The following BSN variants were observed in gnomAD, a reference collection of about 807,000 sequenced individuals.
BSN encodes the protein protein bassoon.
BSN carries 57 observed loss-of-function variants against 264.8 expected under a neutral mutation model. The ratio of observed to expected loss-of-function variants is 0.22; its 90% confidence interval spans 0.17 to 0.27. The LOEUF is 0.27. Among genes scored for constraint, BSN ranks in the 10% least tolerant of loss-of-function variants. The pLI is 1.00. For missense variants in BSN, 4,615 were observed against 5,232.5 expected, an observed-to-expected ratio of 0.88 and a Z score of 3.64; for synonymous variants, 2,059 against 2,137.3, an observed-to-expected ratio of 0.96 and a Z score of 1.01.
rs1487656033 is a variant in BSN, at chr3:49,625,295, C to T, written c.545C>T (p.Pro182Leu). Residue 182 changes from proline to leucine, a missense_variant, in exon 2 of 12, where the codon CCC becomes CTC. Coordinates refer to ENST00000296452, the MANE Select transcript of BSN (RefSeq NM_003458.4). The surrounding 1 kb of genome is among the most constrained non-coding windows in gnomAD (Gnocchi z 4.4). The stretch of plus-strand genomic sequence containing the variant: ...AAGACTTCGGACCTCACGTCGACCC[C>T]CAGCCAGCCAAACTTCAACACCTGC... ...ICKTSDLTST[P>L]SQPNFNTCTQ... The T allele has an allele frequency of 6.2e-7, 1 of 1,601,782 alleles. No individual in the cohort carries two copies. Among genetic ancestry groups the T allele is most frequent in the Non-Finnish European group, 8.5e-7 (1 of 1,173,996 alleles).
intron 2 of BSN, among the ~76,000 whole-genome samples, chr3:49,632,736 G>A (rs2052391223): frequency 6.6e-6 from 1 of 152,170 alleles, no homozygotes; most frequent in South Asian, 2.1e-4. Context: ...CCCAGGAGGC[G>A]GAGGTTGCAG....
At chr3:49,608,822 C>T (rs1213635923) in intron 1 of BSN, among the ~76,000 whole-genome samples, 1 of 149,284 alleles carries the variant, frequency 6.7e-6, no homozygotes, top group East Asian at 2.0e-4. Context: ...AGCAAGACTC[C>T]GTCTCGGGAA....
intron 1 of BSN, among the ~76,000 whole-genome samples, chr3:49,606,197 CATATATTATATAT>C (rs2052142209): frequency 2.4e-5 from 1 of 40,836 alleles, no homozygotes; most frequent in African/African-American, 1.2e-4. Context: ...ATTATATATA[CATATATTATATAT>C]GTATATATTA....
rs1006249333 is a variant in BSN at position 49,638,512 on chromosome 3, C to G, written c.634-3756C>G. On this transcript the variant is annotated intron_variant, in intron 2 of 11. Transcript: ENST00000296452. This position sits in a 1 kb window ranked among gnomAD's most constrained non-coding sequence, Gnocchi z 4.3. ...CTCAGAGAGCTCCCTCAGCCAGTGTCCTCCTTAGGAGGCCTTGCATGCTGG... is the reference window on the plus strand; with the variant it reads ...CTCAGAGAGCTCCCTCAGCCAGTGTGCTCCTTAGGAGGCCTTGCATGCTGG... Among the ~76,000 whole-genome samples, 2 of 152,188 alleles carry G rather than the reference C, an allele frequency of 1.3e-5. No individual in the cohort carries two copies. Among genetic ancestry groups the G allele is most frequent in the Non-Finnish European group, 2.9e-5 (2 of 68,018 alleles).
At chr3:49,649,529 G>A in intron 3 of BSN, among the ~76,000 whole-genome samples, 1 of 152,200 alleles carries the variant, frequency 6.6e-6, no homozygotes, top group Admixed American at 6.5e-5. Context: ...TCTGGAGGAG[G>A]CTACTGGGAG....
chr3:49,558,159 C>G (rs2051688538), intron 1 of BSN, among the ~76,000 whole-genome samples: 1 of 152,110 alleles, frequency 6.6e-6, no homozygotes, highest in African/African-American at 2.4e-5. Context: ...CACAGCTAAG[C>G]TTTAGGAGAG....
rs1404211302 is a variant in BSN at position 49,651,852 on chromosome 3, A to G, written c.2296A>G (p.Ile766Val). ...GAAGCAGCGGCCCCACTCCTTGTCCATCACGCCTGAGGCCTTTGACTCTGA... is the reference window on the plus strand; with the variant it reads ...GAAGCAGCGGCCCCACTCCTTGTCCGTCACGCCTGAGGCCTTTGACTCTGA... ...EQKQRPHSLS[I>V]TPEAFDSDEE... Residue 766 changes from isoleucine (I) to valine (V), a missense_variant, in exon 5 of 12, where the codon ATC becomes GTC. Around this residue, in one of 3 missense-constraint regions of BSN, gnomAD observed 1,197 missense variants for 1,348.0 expected, o/e 0.89. Transcript: ENST00000296452. This position sits in a 1 kb window ranked among gnomAD's most constrained non-coding sequence, Gnocchi z 5.4. The G allele has an allele frequency of 3.1e-6, 5 of 1,613,822 alleles. No homozygotes were observed. In the African/African-American group the frequency reaches 5.3e-5, roughly 17 times the overall value.
Position 49,663,429 on chromosome 3 carries a change from G to A in BSN, c.11271G>A (p.Gln3757=), listed in dbSNP as rs1465182506. The change falls in exon 7 of 12, where the codon CAG becomes CAA. Residue 3757 remains glutamine, a synonymous_variant. Coordinates refer to ENST00000296452, the MANE Select transcript of BSN (RefSeq NM_003458.4). ...GTCGGCAGGCAGCTCCAGGACCACA[G>A]CAGTCACAGTCACCATCATCCAGGC... ...LQGRQAAPGP[Q]QSQSPSSRQI... 6.2e-7 allele frequency: 1 copy of A among 1,612,854 alleles called. No homozygotes were observed. Among genetic ancestry groups the A allele is most frequent in the Non-Finnish European group, 8.5e-7 (1 of 1,179,996 alleles).
At chr3:49,639,494 G>A (rs889427282) in intron 2 of BSN, among the ~76,000 whole-genome samples, 7 of 152,244 alleles carry the variant, frequency 4.6e-5, no homozygotes, top group South Asian at 2.1e-4. Context: ...CACGGTGCAC[G>A]GCCTGCCTTG....
chr3:49,672,772 C>A (rs1450481784), downstream of BSN, among the ~76,000 whole-genome samples: 2 of 149,176 alleles, frequency 1.3e-5, no homozygotes, highest in Non-Finnish European at 3.0e-5. Context: ...TGAGCCACCG[C>A]GCCTGGCACT....
At position 49,653,416 on chromosome 3, in the gene BSN, A is replaced by G; in HGVS notation, c.3860A>G (p.Glu1287Gly). The G allele has an allele frequency of 1.9e-6, 3 of 1,613,958 alleles. No individual in the cohort carries two copies. The highest frequency in any genetic ancestry group is 2.5e-6 in the Non-Finnish European group (3 of 1,179,990). ...GCTTTTGCTGAGGACAAAAAGAAGG[A>G]GAAGCAGTTTCTAAATGCTGAGAGT... ...DLAFAEDKKKEKQFLNAESAY... is the reference protein window; with the variant it reads ...DLAFAEDKKKGKQFLNAESAY... Residue 1287 changes from glutamate to glycine, a missense_variant, in exon 5 of 12, where the codon GAG becomes GGG. By Grantham distance (98) the Glu-to-Gly change is moderately conservative (BLOSUM62 -2). Transcript: ENST00000296452. This position sits in a 1 kb window ranked among gnomAD's most constrained non-coding sequence, Gnocchi z 6.3.
rs1209733483 is a variant in BSN at position 49,653,656 on chromosome 3, C to T, written c.4100C>T (p.Ser1367Phe). Reference sequence around the variant, plus strand: ...TCTCCTGCCTCCCCCAGCTCAGCCTCCAAGGAGATAGGCATGCCCTTTTCC... The same window carrying T: ...TCTCCTGCCTCCCCCAGCTCAGCCTTCAAGGAGATAGGCATGCCCTTTTCC... ...HSSPASPSSA[S>F]KEIGMPFSQG... Residue 1367 changes from serine (S) to phenylalanine (F), a missense_variant, in exon 5 of 12, where the codon TCC (serine) becomes TTC (phenylalanine). Ser to Phe is a radical substitution (Grantham distance 155). Transcript: ENST00000296452. The surrounding 1 kb of genome is among the most constrained non-coding windows in gnomAD (Gnocchi z 6.3). 12 of 1,613,770 alleles carry T rather than the reference C, an allele frequency of 7.4e-6. No individual in the cohort carries two copies. Among genetic ancestry groups the T allele is most frequent in the Admixed American group, 1.7e-5 (1 of 60,002 alleles).
At chr3:49,574,543 C>G (rs544285197) in intron 1 of BSN, among the ~76,000 whole-genome samples, 1 of 152,074 alleles carries the variant, frequency 6.6e-6, no homozygotes, top group African/African-American at 2.4e-5. Flanking sequence ...AAGCGAGTCT[C>G]CTGCCTCAGC....
At position 49,653,557 on chromosome 3, in the gene BSN, G is replaced by C. The variant is rs1400752718; in HGVS notation, c.4001G>C (p.Gly1334Ala). Residue 1334 changes from glycine (G) to alanine (A), a missense_variant, in exon 5 of 12, where the codon GGC (glycine) becomes GCC (alanine). Transcript: ENST00000296452. This position sits in a 1 kb window ranked among gnomAD's most constrained non-coding sequence, Gnocchi z 6.3. ...CCCACCTCCTCAGACAGCAGCGGGG[G>C]CCGAGTTATTCCCGATGTCCGTGTC... ...STPTSSDSSG[G>A]RVIPDVRVTQ... 4.2e-5 allele frequency: 68 copies of C among 1,613,862 alleles called. No homozygotes were observed. Among genetic ancestry groups the C allele is most frequent in the Non-Finnish European group, 5.7e-5 (67 of 1,179,982 alleles).
intron 1 of BSN, among the ~76,000 whole-genome samples, chr3:49,573,657 G>T (rs11721311): frequency 0.32 from 45,091 of 141,762 alleles, 7,392 homozygotes; most frequent in African/African-American, 0.34. Context: ...TTTCTCTCTG[G>T]TTTTTTTTTT....
At position 49,651,800 on chromosome 3, in the gene BSN, A is replaced by G. The variant is rs749282917; in HGVS notation, c.2244A>G (p.Pro748=). The G allele has an allele frequency of 5.0e-6, 8 of 1,613,372 alleles. No individual in the cohort carries two copies. In the South Asian group the frequency reaches 6.6e-5, roughly 13 times the overall value. ...TGGCCCCAAGTGAGCGGAGCAAGCC[A>G]CTCTCCAGCGGTACTGGCGAGGAGC... ...QGLAPSERSK[P]LSSGTGEEQK... The change falls in exon 5 of 12, where the codon CCA becomes CCG. Residue 748 remains proline (P), a synonymous_variant. Transcript: ENST00000296452. This position sits in a 1 kb window ranked among gnomAD's most constrained non-coding sequence, Gnocchi z 5.4.
In BSN at chr3:49,652,256, T is replaced by C. The variant is rs2108081469; in HGVS notation, c.2700T>C (p.Asn900=). ...TGCCCAAGAGGCGCCTGCCCCACAA[T>C]GCCACCACGGGCTATGAGGAGCTGC... The part of the protein sequence containing the change: ...AALPKRRLPH[N]ATTGYEELLP... Residue 900 remains asparagine (N), a synonymous_variant, in exon 5 of 12, where the codon AAT becomes AAC. Transcript: ENST00000296452. 6.2e-7 allele frequency: 1 copy of C among 1,604,138 alleles called. No homozygotes were observed. Among genetic ancestry groups the C allele is most frequent in the Non-Finnish European group, 8.5e-7 (1 of 1,174,302 alleles).
intron 1 of BSN, among the ~76,000 whole-genome samples, chr3:49,591,457 C>G (rs538260724): frequency 4.6e-5 from 7 of 152,210 alleles, no homozygotes; most frequent in Non-Finnish European, 1.0e-4. Context: ...TGTGGTGTCA[C>G]TTGCTTTCTG....
intron 2 of BSN, among the ~76,000 whole-genome samples, chr3:49,627,780 A>G (rs547054636): frequency 6.6e-6 from 1 of 152,018 alleles, no homozygotes; most frequent in East Asian, 1.9e-4. Flanking sequence ...TTTCCAGGAA[A>G]CTCAGCTACA....
Sources: gnomAD v4.1 joint callset for allele counts (sites outside exome capture counted in the v4.1 genomes callset) on GRCh38, gnomAD v4.1.1 for gene constraint, gnomAD v4.1.1 regional missense constraint, Gnocchi (gnomAD v3.1) non-coding constraint, MANE v1.5 for transcripts, NCBI Gene and HGNC (gene_info 2026-07-23, HGNC 2026-07-21) for gene names.